CAMSAP1: variants seen among roughly 807,000 people sequenced by gnomAD.
The protein encoded by CAMSAP1 is calmodulin regulated spectrin associated protein 1, also known as calmodulin-regulated spectrin-associated protein 1.
In CAMSAP1, 58 loss-of-function variants were observed where a neutral mutation model predicts 143.5. The observed-to-expected ratio is 0.40, with a 90% CI of 0.33 to 0.50. The LOEUF is 0.50. Ranked by LOEUF, CAMSAP1 falls within the 20% of genes least tolerant of loss-of-function variation. The pLI is 0.45. For missense variants in CAMSAP1, 1,969 were observed against 2,115.7 expected (o/e 0.93, Z 1.36); for synonymous variants, 945 against 859.3 (o/e 1.10, Z -1.74).
chr9:135,820,871 C>T lies in CAMSAP1; in HGVS notation c.3790G>A (p.Asp1264Asn), dbSNP rs781706045. 29 of 1,613,312 alleles carry T rather than the reference C, an allele frequency of 1.8e-5. No individual in the cohort carries two copies. Among genetic ancestry groups the T allele is most frequent in the Non-Finnish European group, 2.5e-5 (29 of 1,179,892 alleles). ...DGSADLVSEGDQKPGVGFFFK... is the reference protein window; with the variant it reads ...DGSADLVSEGNQKPGVGFFFK... ...AAGAAGCCGACCCCCGGCTTCTGGT[C>T]GCCTTCGCTGACAAGGTCCGCCGAG... Residue 1264 changes from aspartate to asparagine, a missense_variant, in exon 11 of 17, where the codon GAC (aspartate) becomes AAC (asparagine). Asp to Asn is a conservative substitution (Grantham distance 23). Coordinates refer to ENST00000389532, the MANE Select transcript of CAMSAP1 (RefSeq NM_015447.4). The surrounding 1 kb of genome is among the most constrained non-coding windows in gnomAD (Gnocchi z 4.4).
intron 4 of CAMSAP1, among the ~76,000 whole-genome samples, chr9:135,863,016 C>T (rs1188321854): frequency 1.3e-5 from 2 of 152,066 alleles, no homozygotes; most frequent in African/African-American, 4.8e-5. Flanking sequence ...CTCAGAAGAC[C>T]CAAGTTACTG....
chr9:135,882,752 C>A lies in CAMSAP1; in HGVS notation c.423+64G>T. 2.0e-6 allele frequency: 3 copies of A among 1,502,304 alleles called. No individual in the cohort carries two copies. The highest frequency in any genetic ancestry group is 2.6e-5 in the South Asian group (2 of 78,238). The allele number at this position is 1,502,304 out of a possible 1,614,324, so 93.1% of individuals were successfully genotyped here. A position where few individuals can be genotyped will look rare whatever the true frequency, so the allele number is the denominator to read the frequency against. Reference sequence around the variant, plus strand: ...GTTCACACCATCCATGCACCAGGTGCGCCACACGAGAGCCCACGGCTCCAG... The same window carrying A: ...GTTCACACCATCCATGCACCAGGTGAGCCACACGAGAGCCCACGGCTCCAG... On this transcript the variant is annotated intron_variant, in intron 2 of 16. Transcript: ENST00000389532. The surrounding 1 kb of genome is among the most constrained non-coding windows in gnomAD (Gnocchi z 4.9).
Position 135,883,092 on chromosome 9 carries a change from G to A in CAMSAP1, c.161-14C>T, listed in dbSNP as rs1421939177. The A allele has an allele frequency of 1.3e-5, 20 of 1,551,096 alleles. No individual in the cohort carries two copies. Among genetic ancestry groups the A allele is most frequent in the Non-Finnish European group, 1.7e-5 (20 of 1,146,676 alleles). On this transcript the variant is annotated splice_polypyrimidine_tract_variant and intron_variant, in intron 1 of 16. Transcript: ENST00000389532. ...CAGGGATGTTATCTAAGACAGGGAG[G>A]GGATGACCAGGTGAGTGCCACACAC...
At position 135,818,064 on chromosome 9, in the gene CAMSAP1, C is replaced by T. The variant is rs183775840; in HGVS notation, c.4184G>A (p.Arg1395Gln). 136 of 1,613,728 alleles carry T rather than the reference C, an allele frequency of 8.4e-5. No individual in the cohort carries two copies. Among genetic ancestry groups the T allele is most frequent in the East Asian group, 2.2e-4 (10 of 44,860 alleles). The change falls in exon 14 of 17, where the codon CGG (arginine) becomes CAG (glutamine). Residue 1395 changes from arginine to glutamine, a missense_variant. Arg to Gln is a conservative substitution (Grantham distance 43, BLOSUM62 1). Around this residue, in one of 4 missense-constraint regions of CAMSAP1, gnomAD observed 1,390 missense variants for 1,420.8 expected, o/e 0.98. Transcript: ENST00000389532. This position sits in a 1 kb window ranked among gnomAD's most constrained non-coding sequence, Gnocchi z 7.7. Reference sequence around the variant, plus strand: ...GGACAGGCTGGAGCCTGACTGAGTCCGGCTCAAGTTATCAGCTGCCAGAGA... The same window carrying T: ...GGACAGGCTGGAGCCTGACTGAGTCTGGCTCAAGTTATCAGCTGCCAGAGA... ...KCSSTPDNLS[R>Q]TQSGSSLSLA...
Position 135,815,117 on chromosome 9 carries a change from G to T in CAMSAP1, c.4486C>A (p.His1496Asn). Reference sequence around the variant, plus strand: ...CTTGCCTCCAATATGGAATTCTTGTGGGGTTCGTTCACTTTTCCAGCCAGG... The same window carrying T: ...CTTGCCTCCAATATGGAATTCTTGTTGGGTTCGTTCACTTTTCCAGCCAGG... ...CCLAGKVNEP[H>N]KNSILEELEK... The change falls in exon 16 of 17, where the codon CAC (histidine) becomes AAC (asparagine). Residue 1496 changes from histidine to asparagine, a missense_variant. By Grantham distance (68) the His-to-Asn change is moderately conservative. Transcript: ENST00000389532. The T allele has an allele frequency of 1.2e-6, 2 of 1,612,578 alleles. No individual in the cohort carries two copies. The highest frequency in any genetic ancestry group is 1.7e-6 in the Non-Finnish European group (2 of 1,178,754).
Position 135,811,710 on chromosome 9 carries a change from G to A in CAMSAP1, c.4507-99C>T. 1.7e-6 allele frequency: 2 copies of A among 1,193,496 alleles called. No individual in the cohort carries two copies. Among genetic ancestry groups the A allele is most frequent in the South Asian group, 3.0e-5 (2 of 66,880 alleles). 73.9% of individuals were successfully genotyped at this position (1,193,496 alleles called of 1,614,324 possible). A position where few individuals can be genotyped will look rare whatever the true frequency, so the allele number is the denominator to read the frequency against. On this transcript the variant is annotated intron_variant, in intron 16 of 16. Transcript: ENST00000389532. The surrounding 1 kb of genome is among the most constrained non-coding windows in gnomAD (Gnocchi z 4.9). ...AGCGGCTCAACCAGCACCGCTCCGT[G>A]GGAAGCTCTCCCACCCGTCAGCTAC...
At chr9:135,896,894 G>A (rs977773838) in intron 1 of CAMSAP1, among the ~76,000 whole-genome samples, 1 of 152,150 alleles carries the variant, frequency 6.6e-6, no homozygotes, top group African/African-American at 2.4e-5. Flanking sequence ...GGAGGCTTGA[G>A]GGAGCCTGTC....
At position 135,850,221 on chromosome 9, in the gene CAMSAP1, C is replaced by A; in HGVS notation, c.961G>T (p.Val321Phe). Residue 321 changes from valine (V) to phenylalanine (F), a missense_variant, in exon 7 of 17, where the codon GTT becomes TTT. Val to Phe is a conservative substitution (Grantham distance 50, BLOSUM62 -1). Around this residue, in one of 4 missense-constraint regions of CAMSAP1, gnomAD observed 221 missense variants for 298.2 expected, o/e 0.74. Coordinates refer to ENST00000389532, the MANE Select transcript of CAMSAP1 (RefSeq NM_015447.4). ...APLVLKPNVM[V>F]FIAELFWWFE... Reference sequence around the variant, plus strand: ...CACCAAAAAAGCTCCGCAATAAAAACCATAACATTCGGCTAAAAGACAAAA... The same window carrying A: ...CACCAAAAAAGCTCCGCAATAAAAAACATAACATTCGGCTAAAAGACAAAA... 1.2e-6 allele frequency: 2 copies of A among 1,613,216 alleles called. No homozygotes were observed. The highest frequency in any genetic ancestry group is 1.7e-6 in the Non-Finnish European group (2 of 1,179,584).
chr9:135,830,759 T>C (rs982726379), intron 7 of CAMSAP1, among the ~76,000 whole-genome samples: 1 of 152,198 alleles, frequency 6.6e-6, no homozygotes, highest in Non-Finnish European at 1.5e-5. Flanking sequence ...CTCAAGCACA[T>C]GGGACCCATT....
intron 5 of CAMSAP1, among the ~76,000 whole-genome samples, chr9:135,858,011 T>C (rs759969688): frequency 9.2e-5 from 14 of 152,260 alleles, no homozygotes; most frequent in Admixed American, 4.6e-4. Flanking sequence ...TGAGCTCTCA[T>C]TGCTGGAGAC....
At chr9:135,890,727 G>C (rs370128761) in intron 1 of CAMSAP1, among the ~76,000 whole-genome samples, 1 of 152,170 alleles carries the variant, frequency 6.6e-6, no homozygotes, top group African/African-American at 2.4e-5. Flanking sequence ...GGAAGCCAAC[G>C]GAAACTCCCC....
Position 135,810,362 on chromosome 9 carries a change from G to A in CAMSAP1, c.*947C>T, listed in dbSNP as rs1187519735. On this transcript the variant is annotated 3_prime_UTR_variant, in exon 17 of 17. Transcript: ENST00000389532. Reference sequence around the variant, plus strand: ...CAAGCCGTGACCTAACAAAACCACTGAAGGGACTGTCAGCTTAAGTGCATC... The same window carrying A: ...CAAGCCGTGACCTAACAAAACCACTAAAGGGACTGTCAGCTTAAGTGCATC... 1 of 152,220 alleles carries A rather than the reference G, an allele frequency of 6.6e-6. No homozygotes were observed. The highest frequency in any genetic ancestry group is 1.5e-5 in the Non-Finnish European group (1 of 68,038). The allele number at this position is 152,220 out of a possible 1,614,324, so 9.4% of individuals were successfully genotyped here.
At chr9:135,869,023 C>T (rs1588489217) in intron 3 of CAMSAP1, among the ~76,000 whole-genome samples, 1 of 152,156 alleles carries the variant, frequency 6.6e-6, no homozygotes, top group East Asian at 1.9e-4. Context: ...ATGACCAAAG[C>T]ATGAAGCTGC....
At chr9:135,836,179 C>T (rs1836027195) in intron 7 of CAMSAP1, 1 of 985,418 alleles carries the variant, frequency 1.0e-6, no homozygotes, top group South Asian at 4.7e-5. Context: ...CGCACATCAC[C>T]ACATACCTTT....
Position 135,864,746 on chromosome 9 carries a change from C to T in CAMSAP1, c.666+1710G>A, listed in dbSNP as rs147978126. ...TCCAGAAAGCCTGTGGCCAGGCTGA[C>T]CTAACTCAGACCCTTGCCTGGGAAT... On this transcript the variant is annotated intron_variant, in intron 4 of 16. Transcript: ENST00000389532. Among the ~76,000 whole-genome samples the T allele has an allele frequency of 5.9e-5, 9 of 152,308 alleles. No homozygotes were observed. The East Asian group carries it at 1.7e-3, about 29-fold the overall frequency.
At chr9:135,815,517 C>T (rs1233314203) in intron 15 of CAMSAP1, among the ~76,000 whole-genome samples, 1 of 152,292 alleles carries the variant, frequency 6.6e-6, no homozygotes, top group Non-Finnish European at 1.5e-5. Flanking sequence ...AGTTCAAAGG[C>T]CCCGGGACAT....
chr9:135,841,529 C>A (rs1836352445), intron 7 of CAMSAP1, among the ~76,000 whole-genome samples: 1 of 152,220 alleles, frequency 6.6e-6, no homozygotes, highest in African/African-American at 2.4e-5. Context: ...CAAGTAGGTC[C>A]CTGACTCCCG....
chr9:135,825,798 G>GA (rs1388889832), intron 8 of CAMSAP1, among the ~76,000 whole-genome samples: 9 of 152,228 alleles, frequency 5.9e-5, no homozygotes, highest in Admixed American at 5.9e-4. Flanking sequence ...CCCTAGGCCA[G>GA]AGTCAGCACA....
Position 135,822,521 on chromosome 9 carries a change from T to C in CAMSAP1, c.2140A>G (p.Arg714Gly). The C allele has an allele frequency of 6.2e-7, 1 of 1,613,824 alleles. No individual in the cohort carries two copies. The highest frequency in any genetic ancestry group is 8.5e-7 in the Non-Finnish European group (1 of 1,179,846). Reference protein sequence around the residue: ...VGRADEDTEGRLYVSCSKSPN... With the variant: ...VGRADEDTEGGLYVSCSKSPN... Reference sequence around the variant, plus strand: ...CTTTTTGAACAACTAACATATAACCTTCCCTCGGTGTCTTCATCGGCCCTG... The same window carrying C: ...CTTTTTGAACAACTAACATATAACCCTCCCTCGGTGTCTTCATCGGCCCTG... Residue 714 changes from arginine (R) to glycine (G), a missense_variant, in exon 11 of 17, where the codon AGG becomes GGG. By Grantham distance (125) the Arg-to-Gly change is moderately radical (BLOSUM62 -2). This residue lies in a region of CAMSAP1 where 1,390 missense variants were observed against 1,420.8 expected (regional missense o/e 0.98). Coordinates refer to ENST00000389532, the MANE Select transcript of CAMSAP1 (RefSeq NM_015447.4). This position sits in a 1 kb window ranked among gnomAD's most constrained non-coding sequence, Gnocchi z 6.1.
Sources: allele counts gnomAD v4.1 joint callset (sites outside exome capture counted in the v4.1 genomes callset), GRCh38; gene constraint gnomAD v4.1.1; regional missense constraint gnomAD v4.1.1; non-coding constraint Gnocchi (gnomAD v3.1); transcripts MANE v1.5; gene names NCBI Gene and HGNC (gene_info 2026-07-23, HGNC 2026-07-21).